Variants in CAND1 observed in about 807,000 individuals in gnomAD.
The protein encoded by CAND1 is cullin associated and neddylation dissociated 1.
CAND1 carries 7 observed loss-of-function variants against 108.5 expected under a neutral mutation model. The ratio of observed to expected loss-of-function variants is 0.06; its 90% CI spans 0.04 to 0.12. The LOEUF (loss-of-function observed/expected upper bound fraction) is 0.12, where lower values mean the gene tolerates loss of function less well. Ranked by LOEUF, CAND1 falls within the 10% of genes least tolerant of loss-of-function variation. CAND1 has a pLI of 1.00. For missense variants in CAND1, 941 were observed against 1,448.7 expected, an observed-to-expected ratio of 0.65 and a Z score of 5.69; for synonymous variants, 534 against 512.0, an observed-to-expected ratio of 1.04 and a Z score of -0.58.
At chr12:67,292,855 A>G in intron 3 of CAND1, 79 bp downstream of exon 3, 1 of 1,383,420 alleles carries the variant, frequency 7.2e-7, no homozygotes, top group Non-Finnish European at 1.0e-6. Context: ...CCTTCTGGCC[A>G]AGGAGGGAGG....
chr12:67,297,220 C>A, intron 4 of CAND1, 187 bp from the exon 5 acceptor site: 1 of 680,380 alleles, frequency 1.5e-6, no homozygotes, highest in South Asian at 1.6e-5. Flanking sequence ...GTGCTGCATT[C>A]ACTTAGCTCA....
At chr12:67,302,972 T>C (rs1442721057) in intron 8 of CAND1, among the ~76,000 whole-genome samples, 1 of 152,200 alleles carries the variant, frequency 6.6e-6, no homozygotes, top group Non-Finnish European at 1.5e-5. Flanking sequence ...AGTCATTTTA[T>C]TAAACCTCAC....
In CAND1 at chr12:67,309,081, G is replaced by A. The variant is rs140212379; in HGVS notation, c.3026-820G>A. 1.5e-4 allele frequency among the ~76,000 whole-genome samples: 23 copies of A among 152,048 alleles called. 1 individual carries two copies. The highest frequency in any genetic ancestry group is 9.6e-4 in the East Asian group (5 of 5,186). On this transcript the variant is annotated intron_variant, in intron 11 of 14. Transcript: ENST00000545606. ...CATTGTCTTCAACAATATATGCGCC[G>A]TTTATTCTGCTCAGTATAGCTCTAA...
intron 1 of CAND1, among the ~76,000 whole-genome samples, chr12:67,280,778 C>CA (rs1230413866): frequency 6.6e-6 from 1 of 152,152 alleles, no homozygotes; most frequent in African/African-American, 2.4e-5. Flanking sequence ...TCTTGGCCAC[C>CA]ATTCAGTCCT....
At chr12:67,294,209 T>G (rs2044747563) in intron 3 of CAND1, among the ~76,000 whole-genome samples, 1 of 152,228 alleles carries the variant, frequency 6.6e-6, no homozygotes, top group African/African-American at 2.4e-5. Context: ...TACAAGAATT[T>G]TTTTAACCAT....
At chr12:67,289,538 C>T (rs934320092) in intron 2 of CAND1, among the ~76,000 whole-genome samples, 5 of 152,130 alleles carry the variant, frequency 3.3e-5, no homozygotes, top group African/African-American at 1.2e-4. Context: ...AGGTGCATGC[C>T]ACCACACCCA....
rs2044492207 is a variant in CAND1 at position 67,269,366 on chromosome 12, C to G, written c.-352C>G. On this transcript the variant is annotated 5_prime_UTR_variant, in exon 1 of 15. Coordinates refer to ENST00000545606, the MANE Select transcript of CAND1 (RefSeq NM_018448.5). ...AGGAGGCGGGCTTTGGCCTTTTGCC[C>G]TAGGGAGCGAGTGCGGAGCGAGTGG... 2 of 292,128 alleles carry G rather than the reference C, an allele frequency of 6.8e-6. No homozygotes were observed. Among genetic ancestry groups the G allele is most frequent in the South Asian group, 4.4e-5 (1 of 22,948 alleles). The allele number at this position is 292,128 out of a possible 1,614,324, so 18.1% of individuals were successfully genotyped here.
At chr12:67,274,183 A>G (rs1452801364) in intron 1 of CAND1, among the ~76,000 whole-genome samples, 1 of 152,078 alleles carries the variant, frequency 6.6e-6, no homozygotes, top group Non-Finnish European at 1.5e-5. Flanking sequence ...AGATGCTTTT[A>G]ATAATTCCTG....
rs2044494480 is a variant in CAND1, at chr12:67,269,474, C to T, written c.-244C>T. On this transcript the variant is annotated 5_prime_UTR_variant, in exon 1 of 15. It adds an upstream start codon to the 5' untranslated region. Transcript: ENST00000545606. ...CCCGCCGCCCATGAGCTCGTTCTCACGCGAACAGCGCCGTCGTTAGGCTGG... is the reference window on the plus strand; with the variant it reads ...CCCGCCGCCCATGAGCTCGTTCTCATGCGAACAGCGCCGTCGTTAGGCTGG... 2 of 512,426 alleles carry T rather than the reference C, an allele frequency of 3.9e-6. No individual in the cohort carries two copies. The highest frequency in any genetic ancestry group is 4.9e-4 in the Middle Eastern group (1 of 2,028). 31.7% of individuals were successfully genotyped at this position (512,426 alleles called of 1,614,324 possible). A position where few individuals can be genotyped will look rare whatever the true frequency, so the allele number is the denominator to read the frequency against.
chr12:67,272,309 G>A (rs2044527999), intron 1 of CAND1, among the ~76,000 whole-genome samples: 1 of 152,164 alleles, frequency 6.6e-6, no homozygotes, highest in African/African-American at 2.4e-5. Context: ...TCTTTGTTAT[G>A]AACTGTAAGA....
In CAND1 at chr12:67,307,465, A is replaced by G. The variant is rs756418368; in HGVS notation, c.2998A>G (p.Ile1000Val). 25 of 1,609,794 alleles carry G rather than the reference A, an allele frequency of 1.6e-5. No homozygotes were observed. Among genetic ancestry groups the G allele is most frequent in the Admixed American group, 3.3e-5 (2 of 59,726 alleles). Residue 1000 changes from isoleucine (I) to valine (V), a missense_variant, in exon 11 of 15, where the codon ATT becomes GTT. Around this residue, in one of 9 missense-constraint regions of CAND1, gnomAD observed 106 missense variants for 182.0 expected, o/e 0.58. Transcript: ENST00000545606. The part of the protein sequence containing the change: ...KFTISDHPQP[I>V]DPLLKNCIGD... ...TACAATTTCTGACCATCCACAACCTATTGATCCACTGTTAAAGAACTGCAT... is the reference window on the plus strand; with the variant it reads ...TACAATTTCTGACCATCCACAACCTGTTGATCCACTGTTAAAGAACTGCAT...
chr12:67,314,546 A>T lies in CAND1; in HGVS notation c.*1716A>T, dbSNP rs557757853. The T allele has an allele frequency of 1.4e-4, 22 of 152,270 alleles. No individual in the cohort carries two copies. Among genetic ancestry groups the T allele is most frequent in the Middle Eastern group, 6.8e-3 (2 of 294 alleles). 9.4% of individuals were successfully genotyped at this position (152,270 alleles called of 1,614,324 possible). A position where few individuals can be genotyped will look rare whatever the true frequency, so the allele number is the denominator to read the frequency against. ...TGTACTATGCATTTCTGTGGTATAG[A>T]TGTTGTGGATATATTTAAGTATTTG... On this transcript the variant is annotated 3_prime_UTR_variant, in exon 15 of 15. Coordinates refer to ENST00000545606, the MANE Select transcript of CAND1 (RefSeq NM_018448.5).
chr12:67,271,542 C>T (rs1238328572), intron 1 of CAND1, among the ~76,000 whole-genome samples: 2 of 152,186 alleles, frequency 1.3e-5, no homozygotes, highest in African/African-American at 4.8e-5. Flanking sequence ...TTGACTGAAG[C>T]TTGCTTTCTT....
intron 2 of CAND1, among the ~76,000 whole-genome samples, chr12:67,288,049 A>C (rs534663831): frequency 1.3e-5 from 2 of 151,884 alleles, no homozygotes; most frequent in South Asian, 4.2e-4. Context: ...TATATACTTG[A>C]AAGTATATTC....
In CAND1 at chr12:67,311,780, C is replaced by T. The variant is rs764897319; in HGVS notation, c.3448C>T (p.Arg1150Cys). The T allele has an allele frequency of 3.7e-6, 6 of 1,603,460 alleles. No individual in the cohort carries two copies. Among genetic ancestry groups the T allele is most frequent in the African/African-American group, 1.3e-5 (1 of 74,684 alleles). ...QRLDRLVEPL[R>C]ATCTTKVKAN... ...GTTGGACCGACTTGTTGAGCCATTA[C>T]GTGCAACATGTACAACTAAGGTAAG... Residue 1150 changes from arginine (R) to cysteine (C), a missense_variant, in exon 14 of 15, where the codon CGT becomes TGT. Transcript: ENST00000545606.
chr12:67,315,231 G>C lies in CAND1; in HGVS notation c.*2401G>C, dbSNP rs2044996102. 6.6e-6 allele frequency: 1 copy of C among 152,360 alleles called. No individual in the cohort carries two copies. Among genetic ancestry groups the C allele is most frequent in the Non-Finnish European group, 1.5e-5 (1 of 68,166 alleles). The allele number at this position is 152,360 out of a possible 1,614,324, so 9.4% of individuals were successfully genotyped here. A position where few individuals can be genotyped will look rare whatever the true frequency, so the allele number is the denominator to read the frequency against. On this transcript the variant is annotated 3_prime_UTR_variant, in exon 15 of 15. Transcript: ENST00000545606. ...GCACTTTGGGAGGCCGAGGCGGGCGGATCACGAGGTCAGGAGATCGAGACT... is the reference window on the plus strand; with the variant it reads ...GCACTTTGGGAGGCCGAGGCGGGCGCATCACGAGGTCAGGAGATCGAGACT...
chr12:67,271,522 C>A (rs1031689707), intron 1 of CAND1, among the ~76,000 whole-genome samples: 2 of 152,170 alleles, frequency 1.3e-5, no homozygotes, highest in Non-Finnish European at 2.9e-5. Flanking sequence ...TGATACCATA[C>A]ATGTGATTAT....
At chr12:67,291,395 T>C (rs1207916217) in intron 2 of CAND1, among the ~76,000 whole-genome samples, 1 of 152,192 alleles carries the variant, frequency 6.6e-6, no homozygotes, top group Admixed American at 6.5e-5. Context: ...GAAATTCTTT[T>C]GGTTCATGAG....
intron 11 of CAND1, 118 bp from the exon 12 acceptor site, chr12:67,309,783 A>G (rs924109341): frequency 1.4e-6 from 1 of 691,680 alleles, no homozygotes; most frequent in Non-Finnish European, 2.4e-6. Context: ...CCTGACCGTC[A>G]CTGAAGAAAT....
Sources: gnomAD v4.1 joint callset for allele counts (sites outside exome capture counted in the v4.1 genomes callset) on GRCh38, gnomAD v4.1.1 for gene constraint, gnomAD v4.1.1 regional missense constraint, MANE v1.5 for transcripts, NCBI Gene and HGNC (gene_info 2026-07-23, HGNC 2026-07-21) for gene names.